Variants in SGCZ observed in about 807,000 individuals in gnomAD.
SGCZ encodes the protein zeta-sarcoglycan.
Under a neutral mutation model 41.3 loss-of-function variants are expected in SGCZ, and 40 were observed. The observed-to-expected ratio is 0.97, with a 90% confidence interval of 0.75 to 1.26. The LOEUF is 1.26. Ranked by LOEUF, SGCZ falls within the 50% of genes most tolerant of loss-of-function variation. The pLI is 0.00. For synonymous variants in SGCZ, 206 were observed against 137.5 expected (o/e 1.50, Z -3.49); for missense variants, 552 against 369.8 (o/e 1.49, Z -4.04).
At chr8:14,950,802 T>A (rs889381776) in intron 1 of SGCZ, among the ~76,000 whole-genome samples, 10 of 152,042 alleles carry the variant, frequency 6.6e-5, no homozygotes, top group Admixed American at 5.2e-4. Flanking sequence ...TCTGTATTAT[T>A]AATATTACCC....
intron 1 of SGCZ, among the ~76,000 whole-genome samples, chr8:15,216,312 T>C (rs1801401301): frequency 6.8e-6 from 1 of 146,538 alleles, no homozygotes; most frequent in African/African-American, 2.5e-5. Context: ...CTCCGCCTCC[T>C]GGGTTCACGC....
chr8:14,660,233 G>A (rs1188298872), intron 1 of SGCZ, among the ~76,000 whole-genome samples: 1 of 152,130 alleles, frequency 6.6e-6, no homozygotes. Context: ...ACTGTTCGGT[G>A]TATGAAGAAA....
chr8:14,838,297 T>A (rs1288929043), intron 1 of SGCZ, among the ~76,000 whole-genome samples: 1 of 152,162 alleles, frequency 6.6e-6, no homozygotes, highest in Non-Finnish European at 1.5e-5. Context: ...TATTTTGATG[T>A]TTGGTATCTT....
chr8:15,070,253 T>A (rs1805302668), intron 1 of SGCZ, among the ~76,000 whole-genome samples: 1 of 152,152 alleles, frequency 6.6e-6, no homozygotes, highest in Admixed American at 6.6e-5. Flanking sequence ...TTCAGAAAAT[T>A]ATAAACACTA....
At chr8:14,440,150 T>C (rs1800205852) in intron 2 of SGCZ, among the ~76,000 whole-genome samples, 1 of 152,128 alleles carries the variant, frequency 6.6e-6, no homozygotes, top group African/African-American at 2.4e-5. Context: ...TGATAAAAAC[T>C]ACAAGGTGTT....
At chr8:14,404,913 T>A (rs971313086) in intron 2 of SGCZ, among the ~76,000 whole-genome samples, 4 of 152,192 alleles carry the variant, frequency 2.6e-5, no homozygotes, top group Non-Finnish European at 5.9e-5. Context: ...TGCTGTCTCT[T>A]CTTTCGTTCC....
At chr8:14,471,364 A>G (rs73525341) in intron 2 of SGCZ, among the ~76,000 whole-genome samples, 4,870 of 152,210 alleles carry the variant, frequency 0.032, 252 homozygotes, top group African/African-American at 0.11. Flanking sequence ...GTACTATTGT[A>G]CTAAAGATGC....
chr8:14,424,457 C>T (rs1799721111), intron 2 of SGCZ, among the ~76,000 whole-genome samples: 1 of 152,128 alleles, frequency 6.6e-6, no homozygotes, highest in South Asian at 2.1e-4. Context: ...AGTGGATCTT[C>T]TCCACCCCAT....
chr8:14,979,179 C>G (rs1399635165), intron 1 of SGCZ, among the ~76,000 whole-genome samples: 2 of 152,116 alleles, frequency 1.3e-5, no homozygotes, highest in Non-Finnish European at 2.9e-5. Context: ...CACTAAAAGG[C>G]ATTAACTTGA....
At position 14,102,376 on chromosome 8, in the gene SGCZ, C is replaced by A. The variant is rs1228906928; in HGVS notation, c.744G>T (p.Glu248Asp). ...KELHLQSTEG[E>D]IFLNAETIKL... The stretch of plus-strand genomic sequence containing the variant: ...GAGGGTCCAACTTTCTGGGACTCAC[C>A]TCCCCTTCTGTAGATTGCAGATGGA... Residue 248 changes from glutamate (E) to aspartate (D), a missense_variant and splice_region_variant, in exon 7 of 8, where the codon GAG becomes GAT. Physicochemically the swap from Glu to Asp is conservative, Grantham distance 45. Coordinates refer to ENST00000382080, the MANE Select transcript of SGCZ (RefSeq NM_139167.4). The A allele has an allele frequency of 6.7e-7, 1 of 1,483,030 alleles. No homozygotes were observed. Among genetic ancestry groups the A allele is most frequent in the Non-Finnish European group, 9.1e-7 (1 of 1,100,750 alleles). 91.9% of individuals were successfully genotyped at this position (1,483,030 alleles called of 1,614,324 possible). A position where few individuals can be genotyped will look rare whatever the true frequency, so the allele number is the denominator to read the frequency against.
At chr8:14,285,394 CT>C (rs1188227052) in intron 3 of SGCZ, among the ~76,000 whole-genome samples, 4 of 152,072 alleles carry the variant, frequency 2.6e-5, no homozygotes, top group Non-Finnish European at 5.9e-5. Flanking sequence ...GTTACTCTGT[CT>C]TTTTGATACG....
chr8:14,213,339 T>C (rs1023771779), intron 4 of SGCZ, among the ~76,000 whole-genome samples: 5 of 152,054 alleles, frequency 3.3e-5, no homozygotes, highest in East Asian at 1.9e-4. Flanking sequence ...GGAACAACAA[T>C]TTGTATGGCA....
At chr8:14,315,364 A>C (rs1159293305) in intron 3 of SGCZ, among the ~76,000 whole-genome samples, 1 of 152,112 alleles carries the variant, frequency 6.6e-6, no homozygotes, top group Non-Finnish European at 1.5e-5. Flanking sequence ...ATAATTTGGT[A>C]ACCAAAACAG....
At chr8:14,786,039 T>A (rs1056255760) in intron 1 of SGCZ, among the ~76,000 whole-genome samples, 5 of 131,860 alleles carry the variant, frequency 3.8e-5, no homozygotes, top group Admixed American at 1.4e-4. Context: ...CCTTTATTTT[T>A]AAGACTTTAT....
chr8:14,546,720 T>G lies in SGCZ; in HGVS notation c.234+8012A>C, dbSNP rs1317059277. ...AATAAGCAGTAATATTGTATTTATA[T>G]ATTTAATGGTGTTATATGAAAGCAC... On this transcript the variant is annotated intron_variant, in intron 2 of 7. Transcript: ENST00000382080. Among the ~76,000 whole-genome samples the G allele has an allele frequency of 2.0e-5, 3 of 152,186 alleles. No homozygotes were observed. In the East Asian group the frequency reaches 5.8e-4, roughly 29 times the overall value.
At chr8:14,889,129 A>G (rs1037502854) in intron 1 of SGCZ, among the ~76,000 whole-genome samples, 2 of 152,146 alleles carry the variant, frequency 1.3e-5, no homozygotes, top group Non-Finnish European at 2.9e-5. Context: ...GCTGCAGTTT[A>G]AACCATTTAA....
chr8:14,772,277 C>T (rs748767354), intron 1 of SGCZ, among the ~76,000 whole-genome samples: 1 of 152,042 alleles, frequency 6.6e-6, no homozygotes, highest in Admixed American at 6.6e-5. Context: ...ATATTTTCAA[C>T]TCATAATGGG....
intron 2 of SGCZ, among the ~76,000 whole-genome samples, chr8:14,343,771 G>C (rs910583600): frequency 6.6e-6 from 1 of 151,752 alleles, no homozygotes; most frequent in African/African-American, 2.4e-5. Flanking sequence ...GTGAGCAGAG[G>C]GTAAATCCTC....
At chr8:14,182,038 G>C (rs754664440) in intron 4 of SGCZ, among the ~76,000 whole-genome samples, 2 of 152,126 alleles carry the variant, frequency 1.3e-5, no homozygotes, top group African/African-American at 2.4e-5. Context: ...CATAAATATA[G>C]TTAGTTTCTC....
Sources: gnomAD v4.1 joint callset for allele counts (sites outside exome capture counted in the v4.1 genomes callset) on GRCh38, gnomAD v4.1.1 for gene constraint, MANE v1.5 for transcripts, NCBI Gene and HGNC (gene_info 2026-07-23, HGNC 2026-07-21) for gene names.